The following ZNF365 variants were observed in gnomAD, a reference collection of about 807,000 sequenced individuals.
ZNF365 encodes the protein zinc finger protein 365.
Under a neutral mutation model 35.0 loss-of-function variants are expected in ZNF365, and 22 were observed. The observed-to-expected ratio is 0.63, with a 90% CI of 0.45 to 0.90. The LOEUF is 0.90. ZNF365 is among the 40% of genes least tolerant of loss of function. The pLI is 0.00. For synonymous variants in ZNF365, 188 were observed against 196.2 expected, an observed-to-expected ratio of 0.96 and a Z score of 0.35; for missense variants, 448 against 500.3, an observed-to-expected ratio of 0.90 and a Z score of 1.00.
intron 3 of ZNF365, among the ~76,000 whole-genome samples, chr10:62,421,884 C>T (rs960498782): frequency 6.6e-6 from 1 of 152,170 alleles, no homozygotes; most frequent in African/African-American, 2.4e-5. Flanking sequence ...GAACTCCTTG[C>T]TGGATCTATA....
At chr10:62,425,684 C>T (rs1840240263) in intron 3 of ZNF365, among the ~76,000 whole-genome samples, 1 of 152,228 alleles carries the variant, frequency 6.6e-6, no homozygotes, top group Admixed American at 6.5e-5. Context: ...GAGGCCTTCC[C>T]TGCTTCACAC....
intron 4 of ZNF365, among the ~76,000 whole-genome samples, chr10:62,468,441 AT>A (rs1840980067): frequency 6.6e-6 from 1 of 152,214 alleles, no homozygotes; most frequent in Admixed American, 6.5e-5. Flanking sequence ...CTGAAACAGG[AT>A]CTAGTTTGAG....
chr10:62,376,272 C>T lies in ZNF365; in HGVS notation c.79C>T (p.Arg27Cys), dbSNP rs376736264. 3.6e-5 allele frequency: 58 copies of T among 1,613,974 alleles called. No homozygotes were observed. Among genetic ancestry groups the T allele is most frequent in the Non-Finnish European group, 4.7e-5 (56 of 1,180,024 alleles). Residue 27 changes from arginine (R) to cysteine (C), a missense_variant, in exon 2 of 5, where the codon CGC becomes TGC. Arg to Cys is a radical substitution (Grantham distance 180). Around this residue, in one of 3 missense-constraint regions of ZNF365, gnomAD observed 76 missense variants for 96.7 expected, o/e 0.79. Transcript: ENST00000395254. ...GAATGTTGCTGTGTGCCTGCCATTA[C>T]GCTGCCCGAGGTGTGGAGACCATAC... ...FENVAVCLPL[R>C]CPRCGDHTRF... is the part of the protein sequence containing the mutation.
intron 3 of ZNF365, among the ~76,000 whole-genome samples, chr10:62,408,328 T>C (rs1284085810): frequency 6.6e-6 from 1 of 152,158 alleles, no homozygotes; most frequent in African/African-American, 2.4e-5. Context: ...CAGAAAATCA[T>C]TAAGTTACAT....
At chr10:62,407,294 T>C (rs1321929881), downstream of ZNF365, among the ~76,000 whole-genome samples, 1 of 152,186 alleles carries the variant, frequency 6.6e-6, no homozygotes, top group Non-Finnish European at 1.5e-5. Context: ...ATGCAGACCC[T>C]GCTGTAAGAC....
At chr10:62,406,464 G>T (rs1385440681), downstream of ZNF365, among the ~76,000 whole-genome samples, 1 of 152,060 alleles carries the variant, frequency 6.6e-6, no homozygotes, top group Non-Finnish European at 1.5e-5. Context: ...ATAAAAAGGG[G>T]CCAAGTCTGT....
In ZNF365 at chr10:62,452,560, C is replaced by T. The variant is rs573823403; in HGVS notation, c.925-7181C>T. Among the ~76,000 whole-genome samples, 7 of 152,292 alleles carry T rather than the reference C, an allele frequency of 4.6e-5. No individual in the cohort carries two copies. In the East Asian group the frequency reaches 1.2e-3, roughly 25 times the overall value. On this transcript the variant is annotated intron_variant, in intron 3 of 4. Coordinates refer to the ZNF365 transcript ENST00000395255. ...ACATATTAAGTTATTGCACATCTAT[C>T]TCCCTGGAGCAACAATTCTATCTGA...
intron 3 of ZNF365, among the ~76,000 whole-genome samples, chr10:62,436,130 C>T (rs1030390722): frequency 6.6e-6 from 1 of 152,124 alleles, no homozygotes; most frequent in South Asian, 2.1e-4. Context: ...GTGAGTTTCA[C>T]TTATATATAT....
chr10:62,449,359 G>C (rs1017607576), intron 3 of ZNF365, among the ~76,000 whole-genome samples: 2 of 152,228 alleles, frequency 1.3e-5, no homozygotes, highest in African/African-American at 4.8e-5. Context: ...AGGGGTTCCA[G>C]TGTGGGTGTC....
rs1281553041 is a variant in ZNF365, at chr10:62,376,740, C to G, written c.547C>G (p.Leu183Val). ...GACCATTGAGAAGAGAATTGATAAA[C>G]TCACCAAAGAGTTGGCCCAGAAAAC... is the stretch of plus-strand genomic sequence containing the variant. Reference protein sequence around the residue: ...DRTIEKRIDKLTKELAQKTAE... With the variant: ...DRTIEKRIDKVTKELAQKTAE... Residue 183 changes from leucine (L) to valine (V), a missense_variant, in exon 2 of 5, where the codon CTC (leucine) becomes GTC (valine). Physicochemically the swap from Leu to Val is conservative, Grantham distance 32. Transcript: ENST00000395254. 6.2e-7 allele frequency: 1 copy of G among 1,614,186 alleles called. No individual in the cohort carries two copies. The highest frequency in any genetic ancestry group is 2.2e-5 in the East Asian group (1 of 44,874).
intron 3 of ZNF365, among the ~76,000 whole-genome samples, chr10:62,443,356 C>T (rs1170382296): frequency 6.6e-6 from 1 of 152,214 alleles, no homozygotes; most frequent in African/African-American, 2.4e-5. Context: ...ACTCTGATCA[C>T]TCCTTCTTTT....
intron 4 of ZNF365, among the ~76,000 whole-genome samples, chr10:62,473,196 C>T (rs1008655287): frequency 6.6e-6 from 1 of 152,172 alleles, no homozygotes; most frequent in African/African-American, 2.4e-5. Context: ...GGCTCCAATT[C>T]CTGGTAAAAT....
At chr10:62,461,291 C>A (rs756135074) in intron 4 of ZNF365, among the ~76,000 whole-genome samples, 1 of 152,200 alleles carries the variant, frequency 6.6e-6, no homozygotes, top group Non-Finnish European at 1.5e-5. Flanking sequence ...GCTGGAGGAG[C>A]TGGTAAAGCT....
downstream of ZNF365, among the ~76,000 whole-genome samples, chr10:62,404,984 T>C (rs1839884275): frequency 6.6e-6 from 1 of 152,208 alleles, no homozygotes; most frequent in African/African-American, 2.4e-5. Context: ...AATTTTCTAC[T>C]CTCAGCAGGT....
chr10:62,379,564 G>A (rs1217906582), intron 2 of ZNF365, among the ~76,000 whole-genome samples: 2 of 151,942 alleles, frequency 1.3e-5, no homozygotes, highest in Non-Finnish European at 2.9e-5. Flanking sequence ...TTGTTTCCAG[G>A]GAGGACACTG....
At chr10:62,432,595 A>T (rs1053121206) in intron 3 of ZNF365, among the ~76,000 whole-genome samples, 2 of 152,196 alleles carry the variant, frequency 1.3e-5, no homozygotes, top group African/African-American at 4.8e-5. Context: ...TTAAACAATT[A>T]ATACCTTGAA....
At chr10:62,430,260 T>G (rs1840313587) in intron 3 of ZNF365, among the ~76,000 whole-genome samples, 1 of 150,294 alleles carries the variant, frequency 6.7e-6, no homozygotes, top group Non-Finnish European at 1.5e-5. Context: ...AAGGTTTTTT[T>G]TTTTTTTTTT....
chr10:62,403,490 C>T (rs561537621), downstream of ZNF365, among the ~76,000 whole-genome samples: 309 of 152,272 alleles, frequency 2.0e-3, 5 homozygotes, highest in Admixed American at 2.9e-3. Context: ...AACCCCGTCT[C>T]TACTAAAAAT....
chr10:62,385,303 A>G (rs1158668695), intron 2 of ZNF365, among the ~76,000 whole-genome samples: 1 of 152,236 alleles, frequency 6.6e-6, no homozygotes, highest in Non-Finnish European at 1.5e-5. Context: ...GAGAGAAGTT[A>G]GAAAAAAGAT....
Sources: allele counts gnomAD v4.1 joint callset (sites outside exome capture counted in the v4.1 genomes callset), GRCh38; gene constraint gnomAD v4.1.1; regional missense constraint gnomAD v4.1.1; transcripts MANE v1.5; gene names NCBI Gene and HGNC (gene_info 2026-07-23, HGNC 2026-07-21).